SLC4A4: variants seen among roughly 807,000 people sequenced by gnomAD.
SLC4A4 encodes the protein electrogenic sodium bicarbonate cotransporter 1.
In SLC4A4, 27 loss-of-function variants were observed where a neutral mutation model predicts 111.5. The observed-to-expected ratio is 0.24, with a 90% CI of 0.18 to 0.33. The LOEUF (loss-of-function observed/expected upper bound fraction) is 0.33, where lower values mean the gene tolerates loss of function less well. SLC4A4 is among the 10% of genes least tolerant of loss of function. SLC4A4 has a pLI of 1.00. For synonymous variants in SLC4A4, 443 were observed against 463.4 expected (o/e 0.96, Z 0.57); for missense variants, 909 against 1,315.5 (o/e 0.69, Z 4.78).
At chr4:71,076,190 C>T (rs1578454725) in intron 1 of SLC4A4, among the ~76,000 whole-genome samples, 1 of 152,126 alleles carries the variant, frequency 6.6e-6, no homozygotes, top group Admixed American at 6.6e-5. Context: ...AGAATGTGTT[C>T]TTAGTCCCGA....
chr4:71,174,105 G>C (rs897451885), intron 2 of SLC4A4, among the ~76,000 whole-genome samples: 7 of 152,120 alleles, frequency 4.6e-5, no homozygotes, highest in African/African-American at 7.2e-5. Context: ...TTCTGGAATT[G>C]TGCTTAGATA....
chr4:71,461,856 G>A (rs1285236364), intron 12 of SLC4A4, among the ~76,000 whole-genome samples: 1 of 152,152 alleles, frequency 6.6e-6, no homozygotes, highest in Non-Finnish European at 1.5e-5. Flanking sequence ...CTGCTGTAAA[G>A]TAAAGCAAGC....
chr4:71,143,217 T>C (rs185018608), intron 2 of SLC4A4, among the ~76,000 whole-genome samples: 2 of 152,134 alleles, frequency 1.3e-5, no homozygotes, highest in African/African-American at 2.4e-5. Context: ...TTTGTCCTTG[T>C]GATAGTTTGC....
chr4:71,413,239 A>G (rs1353738422), intron 7 of SLC4A4, among the ~76,000 whole-genome samples: 2 of 152,214 alleles, frequency 1.3e-5, no homozygotes, highest in Non-Finnish European at 2.9e-5. Flanking sequence ...ATAGCTATAC[A>G]GCTGCCTGTT....
chr4:71,075,011 C>T (rs1219757698), intron 1 of SLC4A4, among the ~76,000 whole-genome samples: 2 of 152,050 alleles, frequency 1.3e-5, no homozygotes, highest in African/African-American at 4.8e-5. Flanking sequence ...TATAACAAGG[C>T]TTAATTCAGA....
intron 7 of SLC4A4, among the ~76,000 whole-genome samples, chr4:71,436,726 G>A (rs1724184423): frequency 6.6e-6 from 1 of 152,156 alleles, no homozygotes; most frequent in African/African-American, 2.4e-5. Context: ...ATTGCTTAAT[G>A]ACTTAGAGAT....
chr4:71,257,335 G>A (rs1268070420), intron 3 of SLC4A4, among the ~76,000 whole-genome samples: 1 of 152,174 alleles, frequency 6.6e-6, no homozygotes, highest in African/African-American at 2.4e-5. Context: ...TTATAAGTAT[G>A]CATTTTACCG....
chr4:71,485,496 T>A (rs1729292826), intron 14 of SLC4A4, among the ~76,000 whole-genome samples: 1 of 151,672 alleles, frequency 6.6e-6, no homozygotes, highest in East Asian at 1.9e-4. Flanking sequence ...TACTTGATCG[T>A]GGTGGATTAG....
At chr4:71,515,404 C>T (rs1271195539) in intron 16 of SLC4A4, among the ~76,000 whole-genome samples, 1 of 152,000 alleles carries the variant, frequency 6.6e-6, no homozygotes, top group Non-Finnish European at 1.5e-5. Flanking sequence ...ATGGTCAGTC[C>T]TGGATAACAT....
At chr4:71,078,085 T>TA (rs1162370807) in intron 1 of SLC4A4, among the ~76,000 whole-genome samples, 1 of 152,074 alleles carries the variant, frequency 6.6e-6, no homozygotes. Context: ...ATATTCTGTG[T>TA]AAAAAAGATA....
chr4:71,458,759 T>C (rs1378921293), intron 12 of SLC4A4, among the ~76,000 whole-genome samples: 1 of 152,114 alleles, frequency 6.6e-6, no homozygotes, highest in East Asian at 1.9e-4. Context: ...ACAAAGCCTA[T>C]TATGTGTAAT....
intron 7 of SLC4A4, among the ~76,000 whole-genome samples, chr4:71,419,923 G>T (rs1329639154): frequency 2.0e-5 from 3 of 152,204 alleles, no homozygotes; most frequent in Non-Finnish European, 4.4e-5. Flanking sequence ...ACTCTAAAAA[G>T]CAGAGCACCT....
At chr4:71,116,549 G>GA (rs1321713431) in intron 2 of SLC4A4, among the ~76,000 whole-genome samples, 4 of 152,166 alleles carry the variant, frequency 2.6e-5, no homozygotes, top group Non-Finnish European at 4.4e-5. Flanking sequence ...AGATTAAGGA[G>GA]AAAAAATAGA....
chr4:71,256,971 G>T (rs1180572145), intron 3 of SLC4A4, among the ~76,000 whole-genome samples: 2 of 152,052 alleles, frequency 1.3e-5, no homozygotes, highest in Admixed American at 1.3e-4. Flanking sequence ...AAGTAAAGAG[G>T]TGCTCACCTA....
intron 3 of SLC4A4, among the ~76,000 whole-genome samples, chr4:71,267,371 G>A (rs1578713372): frequency 6.6e-6 from 1 of 152,110 alleles, no homozygotes; most frequent in Admixed American, 6.6e-5. Context: ...AAGGCTGTAA[G>A]TGAAAAAAAT....
intron 3 of SLC4A4, among the ~76,000 whole-genome samples, chr4:71,317,274 A>T (rs1726766697): frequency 6.6e-6 from 1 of 152,046 alleles, no homozygotes; most frequent in Admixed American, 6.6e-5. Context: ...CGTCAATTTT[A>T]TACAAAATTC....
At chr4:71,212,910 A>G (rs556523604) in intron 1 of SLC4A4, among the ~76,000 whole-genome samples, 68 of 152,376 alleles carry the variant, frequency 4.5e-4, no homozygotes, top group African/African-American at 1.6e-3. Flanking sequence ...ATATGACAGC[A>G]GTCCCATAAA....
intron 3 of SLC4A4, among the ~76,000 whole-genome samples, chr4:71,335,049 G>A (rs1441470345): frequency 2.0e-5 from 3 of 152,094 alleles, no homozygotes; most frequent in East Asian, 1.9e-4. Flanking sequence ...GAAGGGAACA[G>A]ACACAGGGGC....
intron 1 of SLC4A4, among the ~76,000 whole-genome samples, chr4:71,230,937 G>A (rs1719382227): frequency 6.6e-6 from 1 of 152,218 alleles, no homozygotes; most frequent in African/African-American, 2.4e-5. Flanking sequence ...GGAAACAGGT[G>A]GCTTCACGGT....
Sources: allele counts gnomAD v4.1 joint callset (sites outside exome capture counted in the v4.1 genomes callset), GRCh38; gene constraint gnomAD v4.1.1; transcripts MANE v1.5; gene names NCBI Gene and HGNC (gene_info 2026-07-23, HGNC 2026-07-21).